Variants in ZFYVE9 observed in about 807,000 individuals in gnomAD.
The protein encoded by ZFYVE9 is zinc finger FYVE-type containing 9.
ZFYVE9 carries 43 observed loss-of-function variants against 126.7 expected under a neutral mutation model. The observed-to-expected ratio is 0.34, with a 90% CI of 0.27 to 0.44. ZFYVE9 has a LOEUF of 0.44. ZFYVE9 is among the 20% of genes least tolerant of loss of function. The pLI is 1.00. For synonymous variants in ZFYVE9, 521 were observed against 597.4 expected (o/e 0.87, Z 1.87); for missense variants, 1,476 against 1,697.0 (o/e 0.87, Z 2.29).
intron 7 of ZFYVE9, among the ~76,000 whole-genome samples, chr1:52,270,548 G>A (rs1042505913): frequency 2.6e-5 from 4 of 152,208 alleles, no homozygotes; most frequent in Non-Finnish European, 4.4e-5. Context: ...ACAGGCGTAA[G>A]CCACCGCGCC....
intron 13 of ZFYVE9, among the ~76,000 whole-genome samples, chr1:52,328,836 T>A (rs1343329264): frequency 1.3e-5 from 2 of 152,154 alleles, no homozygotes; most frequent in African/African-American, 4.8e-5. Context: ...AAAACCTGGG[T>A]AGAAGTGGTT....
chr1:52,262,192 G>GC (rs1265367909), intron 4 of ZFYVE9, among the ~76,000 whole-genome samples: 2 of 152,312 alleles, frequency 1.3e-5, no homozygotes, highest in East Asian at 3.9e-4. Flanking sequence ...ACTTCACAGG[G>GC]CAGAAGGGTG....
At chr1:52,241,459 A>T (rs1645333374) in intron 4 of ZFYVE9, among the ~76,000 whole-genome samples, 1 of 152,214 alleles carries the variant, frequency 6.6e-6, no homozygotes, top group African/African-American at 2.4e-5. Context: ...TATTTTGCTT[A>T]CTGTAACACT....
At chr1:52,157,828 G>A (rs989402779) in intron 1 of ZFYVE9, among the ~76,000 whole-genome samples, 1 of 152,062 alleles carries the variant, frequency 6.6e-6, no homozygotes, top group Non-Finnish European at 1.5e-5. Flanking sequence ...CCACCACCTG[G>A]CCCCTATTGC....
At chr1:52,179,808 A>G (rs962689992) in intron 1 of ZFYVE9, 1 of 577,122 alleles carries the variant, frequency 1.7e-6, no homozygotes, top group Non-Finnish European at 3.2e-6. Context: ...TAAAGTGTCT[A>G]TTAGGGGGCA....
At chr1:52,180,307 A>C in intron 1 of ZFYVE9, 1 of 1,586,858 alleles carries the variant, frequency 6.3e-7, no homozygotes, top group Non-Finnish European at 8.6e-7. Flanking sequence ...ATACCCAGTT[A>C]TCCTGATAGG....
chr1:52,171,964 G>A (rs1322076710), intron 1 of ZFYVE9, among the ~76,000 whole-genome samples: 1 of 152,140 alleles, frequency 6.6e-6, no homozygotes, highest in Non-Finnish European at 1.5e-5. Context: ...TGTTCACTCT[G>A]ATGGTAGTTT....
At chr1:52,235,253 C>T (rs932018211) in intron 3 of ZFYVE9, among the ~76,000 whole-genome samples, 12 of 151,270 alleles carry the variant, frequency 7.9e-5, no homozygotes, top group African/African-American at 2.9e-4. Flanking sequence ...AGAGAATATA[C>T]TTAAAATGAT....
chr1:52,153,361 C>G (rs1558029505), intron 1 of ZFYVE9, among the ~76,000 whole-genome samples: 1 of 152,190 alleles, frequency 6.6e-6, no homozygotes, highest in Non-Finnish European at 1.5e-5. Flanking sequence ...CCACAAAGTT[C>G]TAGAGCCATC....
rs1362030744 is a variant in ZFYVE9, at chr1:52,266,664, G to A, written c.2288G>A (p.Trp763Ter). The change falls in exon 6 of 19, where the codon TGG (tryptophan) becomes TAG (stop). Residue 763 changes from tryptophan to a stop codon, truncating the protein, a stop_gained. Transcript: ENST00000287727. LOFTEE classifies it high-confidence loss of function. ...CHSVLMNAQA[W>*]ENMMSASSQS... ...TCTGTATTTGCTTTAGCTCAAGCCT[G>A]GGAGAACATGATGAGTGCCTCAAGC... is the stretch of plus-strand genomic sequence containing the variant. 6.3e-7 allele frequency: 1 copy of A among 1,592,546 alleles called. No homozygotes were observed. The highest frequency in any genetic ancestry group is 8.5e-7 in the Non-Finnish European group (1 of 1,171,100).
chr1:52,230,806 G>A (rs1483464344), intron 2 of ZFYVE9, among the ~76,000 whole-genome samples: 1 of 152,138 alleles, frequency 6.6e-6, no homozygotes, highest in Non-Finnish European at 1.5e-5. Flanking sequence ...TTATTCTGTA[G>A]CACTTATCTG....
chr1:52,337,060 T>C (rs565621222), intron 15 of ZFYVE9, among the ~76,000 whole-genome samples: 4 of 152,150 alleles, frequency 2.6e-5, no homozygotes, highest in Admixed American at 2.6e-4. Context: ...ATTTCTTGGG[T>C]CTTGCATTTC....
intron 13 of ZFYVE9, among the ~76,000 whole-genome samples, chr1:52,311,518 G>A (rs1385618114): frequency 6.6e-6 from 1 of 152,114 alleles, no homozygotes; most frequent in Non-Finnish European, 1.5e-5. Context: ...GTCCGCCTCA[G>A]CCTCCCAAAG....
chr1:52,325,768 G>A (rs1183731711), intron 13 of ZFYVE9, among the ~76,000 whole-genome samples: 3 of 152,138 alleles, frequency 2.0e-5, no homozygotes, highest in South Asian at 2.1e-4. Flanking sequence ...TATACAAATT[G>A]TATCCACTCC....
At chr1:52,279,029 G>A (rs1305637469) in intron 9 of ZFYVE9, among the ~76,000 whole-genome samples, 5 of 151,900 alleles carry the variant, frequency 3.3e-5, no homozygotes, top group African/African-American at 4.8e-5. Flanking sequence ...ATGAGCCACC[G>A]CGCCTGGCCT....
rs80011083 is a variant in ZFYVE9, at chr1:52,155,562, C to T, written c.-143+13159C>T. ...GGAGCTGTTTTTCTAATAGCATGGC[C>T]TTCCTGCAGAACTCTAGGGGCCTGC... is the stretch of plus-strand genomic sequence containing the variant. On this transcript the variant is annotated intron_variant, in intron 1 of 18. Coordinates refer to ENST00000287727, the MANE Select transcript of ZFYVE9 (RefSeq NM_004799.4). 8.9e-3 allele frequency among the ~76,000 whole-genome samples: 1,355 copies of T among 152,270 alleles called. 12 individuals are homozygous for T. Among genetic ancestry groups the T allele is most frequent in the African/African-American group, 0.029 (1,195 of 41,548 alleles).
At chr1:52,300,067 G>A (rs750701871) in intron 12 of ZFYVE9, among the ~76,000 whole-genome samples, 1 of 152,228 alleles carries the variant, frequency 6.6e-6, no homozygotes, top group Non-Finnish European at 1.5e-5. Context: ...GTGCGGCAGA[G>A]GCAGAGTGCT....
At position 52,272,748 on chromosome 1, in the gene ZFYVE9, C is replaced by T. The variant is rs566087970; in HGVS notation, c.2626-1716C>T. 1.8e-3 allele frequency among the ~76,000 whole-genome samples: 272 copies of T among 148,500 alleles called. 1 individual carries two copies. Among genetic ancestry groups the T allele is most frequent in the African/African-American group, 6.6e-3 (260 of 39,384 alleles). On this transcript the variant is annotated intron_variant, in intron 7 of 18. Coordinates refer to ENST00000287727, the MANE Select transcript of ZFYVE9 (RefSeq NM_004799.4). ...GCAGTGGCAGGATCTCGGCTCACTG[C>T]AACCTCCACCTTCCAGGTTCAAGCA...
chr1:52,151,626 C>T (rs959965655), intron 1 of ZFYVE9, among the ~76,000 whole-genome samples: 2 of 151,818 alleles, frequency 1.3e-5, no homozygotes, highest in African/African-American at 4.8e-5. Context: ...AGCAATTCTC[C>T]TGCCTCAGCC....
Sources: allele counts gnomAD v4.1 joint callset (sites outside exome capture counted in the v4.1 genomes callset), GRCh38; gene constraint gnomAD v4.1.1; transcripts MANE v1.5; gene names NCBI Gene and HGNC (gene_info 2026-07-23, HGNC 2026-07-21).